The following BNC2 variants were observed in gnomAD, a reference collection of about 807,000 sequenced individuals.
BNC2 encodes basonuclin zinc finger protein 2, also known as zinc finger protein basonuclin-2.
BNC2 carries 20 observed loss-of-function variants against 76.3 expected under a neutral mutation model. The ratio of observed to expected loss-of-function variants is 0.26; its 90% CI spans 0.18 to 0.38. The LOEUF is 0.38. BNC2 is among the 10% of genes least tolerant of loss of function. The probability of loss-of-function intolerance (pLI) is 1.00; values close to 1 mark genes in which losing one functional copy is unlikely to be tolerated. For missense variants in BNC2, 1,382 were observed against 1,399.8 expected (o/e 0.99, Z 0.20); for synonymous variants, 582 against 514.8 (o/e 1.13, Z -1.77).
intron 3 of BNC2, among the ~76,000 whole-genome samples, chr9:16,644,394 T>C (rs1248946109): frequency 4.6e-5 from 7 of 152,184 alleles, no homozygotes; most frequent in African/African-American, 4.8e-5. Flanking sequence ...TTGGATGGTA[T>C]TGAGCATTGA....
intron 2 of BNC2, among the ~76,000 whole-genome samples, chr9:16,737,347 C>T (rs1824705687): frequency 6.8e-6 from 1 of 147,784 alleles, no homozygotes; most frequent in Non-Finnish European, 1.5e-5. Context: ...GCCTCCCAAG[C>T]TCACACCATT....
intron 6 of BNC2, chr9:16,431,394 T>C (rs765091357): frequency 2.2e-6 from 1 of 450,696 alleles, no homozygotes; most frequent in Non-Finnish European, 4.7e-6. Flanking sequence ...AAAGGTAAAT[T>C]ACACCCACCA....
intron 6 of BNC2, among the ~76,000 whole-genome samples, chr9:16,431,077 A>G (rs1177789305): frequency 6.6e-6 from 1 of 152,246 alleles, no homozygotes; most frequent in African/African-American, 2.4e-5. Flanking sequence ...GAACAAAGAT[A>G]GTAAAACTCA....
intron 5 of BNC2, among the ~76,000 whole-genome samples, chr9:16,501,180 G>T (rs1231429470): frequency 6.6e-6 from 1 of 152,136 alleles, no homozygotes; most frequent in East Asian, 1.9e-4. Context: ...TTATATATGT[G>T]CTCTCTAATG....
intron 3 of BNC2, among the ~76,000 whole-genome samples, chr9:16,651,714 C>T (rs1056656135): frequency 1.3e-5 from 2 of 152,070 alleles, no homozygotes; most frequent in Non-Finnish European, 2.9e-5. Flanking sequence ...ACCTTGGGTG[C>T]GTCTTCAAAA....
intron 1 of BNC2, among the ~76,000 whole-genome samples, chr9:16,864,962 C>T (rs1322352786): frequency 6.7e-6 from 1 of 149,322 alleles, no homozygotes; most frequent in East Asian, 2.0e-4. Flanking sequence ...AGCACATCGT[C>T]GAGTCACAAT....
intron 3 of BNC2, among the ~76,000 whole-genome samples, chr9:16,704,041 A>C (rs1313555089): frequency 6.6e-6 from 1 of 152,242 alleles, no homozygotes; most frequent in African/African-American, 2.4e-5. Context: ...AACTATTATT[A>C]ATATATCCTT....
intron 3 of BNC2, among the ~76,000 whole-genome samples, chr9:16,595,220 T>A (rs544932151): frequency 7.2e-5 from 11 of 152,260 alleles, no homozygotes; most frequent in African/African-American, 2.2e-4. Flanking sequence ...CAGCGACACA[T>A]CTCAACAAAC....
intron 1 of BNC2, among the ~76,000 whole-genome samples, chr9:16,789,215 C>G (rs983312320): frequency 6.6e-6 from 1 of 151,886 alleles, no homozygotes; most frequent in Non-Finnish European, 1.5e-5. Context: ...TTGCTAGGGA[C>G]TGGGGGTGGG....
At chr9:16,649,515 G>A (rs771111935) in intron 3 of BNC2, among the ~76,000 whole-genome samples, 5 of 152,134 alleles carry the variant, frequency 3.3e-5, no homozygotes, top group Non-Finnish European at 7.3e-5. Flanking sequence ...TACAATTAGA[G>A]ACAGAAAAGG....
rs369931579 is a variant in BNC2, at chr9:16,436,693, T to C, written c.1501A>G (p.Met501Val). 1.5e-5 allele frequency: 24 copies of C among 1,614,122 alleles called. No individual in the cohort carries two copies. The highest frequency in any genetic ancestry group is 2.2e-5 in the East Asian group (1 of 44,860). Residue 501 changes from methionine (M) to valine (V), a missense_variant, in exon 6 of 7, where the codon ATG becomes GTG. Transcript: ENST00000380672. ...ANPNPRLHMP[M>V]LRNNRDKDLI... ...TCTTTATCTCGGTTATTCCTTAGCA[T>C]AGGCATGTGAAGGCGAGGATTGGGG...
intron 5 of BNC2, among the ~76,000 whole-genome samples, chr9:16,483,292 T>C (rs1822097502): frequency 1.3e-5 from 2 of 152,234 alleles, no homozygotes; most frequent in Admixed American, 6.5e-5. Flanking sequence ...ACTGACCATA[T>C]TTCATTTCCT....
chr9:16,615,015 C>A (rs1820660074), intron 3 of BNC2, among the ~76,000 whole-genome samples: 1 of 131,902 alleles, frequency 7.6e-6, no homozygotes. Context: ...GCCAAGCAGG[C>A]CAGTTACCTT....
At chr9:16,538,998 A>G (rs944280405) in intron 5 of BNC2, among the ~76,000 whole-genome samples, 1 of 152,088 alleles carries the variant, frequency 6.6e-6, no homozygotes, top group Non-Finnish European at 1.5e-5. Flanking sequence ...GAAAGCTGTA[A>G]CAGAGGGGCA....
chr9:16,568,264 C>T (rs73419430), intron 4 of BNC2, among the ~76,000 whole-genome samples: 1 of 151,990 alleles, frequency 6.6e-6, no homozygotes, highest in African/African-American at 2.4e-5. Flanking sequence ...TCCACGATTA[C>T]TTTAAGAGTT....
chr9:16,762,351 T>C (rs1825576982), intron 1 of BNC2, among the ~76,000 whole-genome samples: 1 of 152,182 alleles, frequency 6.6e-6, no homozygotes, highest in Non-Finnish European at 1.5e-5. Context: ...CCAGAGATCT[T>C]TACCCACCCT....
intron 5 of BNC2, among the ~76,000 whole-genome samples, chr9:16,524,153 CA>C (rs1817718672): frequency 6.6e-6 from 1 of 152,058 alleles, no homozygotes; most frequent in African/African-American, 2.4e-5. Flanking sequence ...ATAATAAAGA[CA>C]AAAAAGTTAA....
At chr9:16,819,954 A>G (rs911850170) in intron 1 of BNC2, among the ~76,000 whole-genome samples, 4 of 151,390 alleles carry the variant, frequency 2.6e-5, no homozygotes, top group African/African-American at 7.3e-5. Context: ...GTGAAACCCC[A>G]GCTCTACTAA....
At chr9:16,549,315 A>G (rs1453153925) in intron 5 of BNC2, among the ~76,000 whole-genome samples, 1 of 152,210 alleles carries the variant, frequency 6.6e-6, no homozygotes. Context: ...TCTGTAGCCA[A>G]CTGCTAACCA....
Sources: gnomAD v4.1 joint callset for allele counts (sites outside exome capture counted in the v4.1 genomes callset) on GRCh38, gnomAD v4.1.1 for gene constraint, MANE v1.5 for transcripts, NCBI Gene and HGNC (gene_info 2026-07-23, HGNC 2026-07-21) for gene names.